EFCAB11: variants seen among roughly 807,000 people sequenced by gnomAD.
EFCAB11 encodes EF-hand calcium-binding domain-containing protein 11.
EFCAB11 carries 14 observed loss-of-function variants against 23.0 expected under a neutral mutation model. The ratio of observed to expected loss-of-function variants is 0.61; its 90% CI spans 0.40 to 0.95. The LOEUF (loss-of-function observed/expected upper bound fraction) is 0.95, where lower values mean the gene tolerates loss of function less well. Ranked by LOEUF, EFCAB11 falls within the 40% of genes least tolerant of loss-of-function variation. EFCAB11 has a pLI of 0.00. For missense variants in EFCAB11, 198 were observed against 195.8 expected (o/e 1.01, Z -0.07); for synonymous variants, 65 against 66.6 (o/e 0.98, Z 0.11).
intron 5 of EFCAB11, among the ~76,000 whole-genome samples, chr14:89,820,225 T>G (rs1312562613): frequency 2.6e-5 from 4 of 152,186 alleles, no homozygotes. Flanking sequence ...GTCGATTTTT[T>G]TTCTTTATTC....
Position 89,892,401 on chromosome 14 carries a change from G to A in EFCAB11, c.410+39140C>T, listed in dbSNP as rs1485305175. On this transcript the variant is annotated intron_variant, in intron 5 of 5. Transcript: ENST00000316738. ...CTCATCCACAAGACCCAAATCCCCA[G>A]GTCCCCCAGCAGGAAGCAGCACCCA... 87 of 1,593,222 alleles carry A rather than the reference G, an allele frequency of 5.5e-5. 1 individual carries two copies. In the Admixed American group the frequency reaches 1.5e-3, roughly 27 times the overall value.
chr14:89,876,931 C>T (rs547338302), intron 5 of EFCAB11, among the ~76,000 whole-genome samples: 2 of 152,206 alleles, frequency 1.3e-5, no homozygotes, highest in South Asian at 2.1e-4. Flanking sequence ...AATGAGCCCA[C>T]GGACTATCCA....
chr14:89,935,691 A>G (rs1451721461), intron 3 of EFCAB11, among the ~76,000 whole-genome samples: 2 of 152,228 alleles, frequency 1.3e-5, no homozygotes, highest in East Asian at 3.8e-4. Flanking sequence ...CATGGCCAAC[A>G]TGGCAAAATC....
At chr14:89,924,637 C>T in intron 5 of EFCAB11, 1 of 1,535,680 alleles carries the variant, frequency 6.5e-7, no homozygotes, top group Non-Finnish European at 8.7e-7. Context: ...AAGTCAGCTT[C>T]CTGATGACAG....
chr14:89,801,104 T>C (rs955691560), intron 5 of EFCAB11, among the ~76,000 whole-genome samples: 2 of 149,130 alleles, frequency 1.3e-5, no homozygotes, highest in Admixed American at 1.3e-4. Flanking sequence ...TTTAGGGCCA[T>C]CTGGGAGGAA....
At chr14:89,913,964 C>T (rs10143622) in intron 5 of EFCAB11, among the ~76,000 whole-genome samples, 19,296 of 152,036 alleles carry the variant, frequency 0.13, 3,386 homozygotes, top group African/African-American at 0.4. Flanking sequence ...CTTTGTATGC[C>T]GGAGACCCAG....
At chr14:89,892,010 G>A (rs1012864362) in intron 5 of EFCAB11, 43 of 1,520,170 alleles carry the variant, frequency 2.8e-5, no homozygotes, top group East Asian at 1.7e-4. Context: ...CGCGGGCCAC[G>A]AGCGCTTCAG....
intron 3 of EFCAB11, among the ~76,000 whole-genome samples, chr14:89,942,799 C>T (rs1218730425): frequency 6.6e-6 from 1 of 152,208 alleles, no homozygotes; most frequent in Non-Finnish European, 1.5e-5. Flanking sequence ...CCAGCATGTA[C>T]ACTTCTTCCA....
chr14:89,952,775 A>G (rs936078352), intron 2 of EFCAB11, among the ~76,000 whole-genome samples: 17 of 152,206 alleles, frequency 1.1e-4, no homozygotes, highest in Non-Finnish European at 2.4e-4. Flanking sequence ...TGAGGAGAAC[A>G]GCTGGGCCCT....
At chr14:89,945,690 G>A (rs1486279695) in intron 3 of EFCAB11, among the ~76,000 whole-genome samples, 1 of 152,078 alleles carries the variant, frequency 6.6e-6, no homozygotes, top group East Asian at 1.9e-4. Flanking sequence ...AAAAGAATGT[G>A]TATTCTGCTT....
At chr14:89,886,930 G>T (rs1169294145) in intron 5 of EFCAB11, among the ~76,000 whole-genome samples, 1 of 152,082 alleles carries the variant, frequency 6.6e-6, no homozygotes, top group Non-Finnish European at 1.5e-5. Context: ...TAAACCTAAG[G>T]TCAGTCTGGA....
At chr14:89,938,822 C>T (rs1890682323) in intron 3 of EFCAB11, among the ~76,000 whole-genome samples, 1 of 151,930 alleles carries the variant, frequency 6.6e-6, no homozygotes. Flanking sequence ...ACTCAGGAGG[C>T]TGAGGCAGAA....
intron 5 of EFCAB11, among the ~76,000 whole-genome samples, chr14:89,862,388 T>A (rs1887953358): frequency 6.6e-6 from 1 of 152,230 alleles, no homozygotes; most frequent in African/African-American, 2.4e-5. Context: ...TGTAACACTT[T>A]TGATATATTT....
intron 5 of EFCAB11, among the ~76,000 whole-genome samples, chr14:89,827,061 G>C (rs889074604): frequency 1.3e-5 from 2 of 152,148 alleles, no homozygotes; most frequent in Non-Finnish European, 2.9e-5. Context: ...TTTTAAAAGA[G>C]AGAATTTAAT....
intron 5 of EFCAB11, among the ~76,000 whole-genome samples, chr14:89,912,030 A>G (rs991409296): frequency 5.9e-5 from 9 of 152,240 alleles, no homozygotes; most frequent in African/African-American, 2.2e-4. Context: ...TAAGCAATGC[A>G]GCAGGGATTT....
chr14:89,909,507 G>T (rs541716752), intron 5 of EFCAB11, among the ~76,000 whole-genome samples: 5 of 152,200 alleles, frequency 3.3e-5, no homozygotes, highest in Admixed American at 6.5e-5. Context: ...TTGAAGCCGG[G>T]GGGGCGGACG....
chr14:89,909,544 G>T (rs1889602498), intron 5 of EFCAB11, among the ~76,000 whole-genome samples: 1 of 152,186 alleles, frequency 6.6e-6, no homozygotes, highest in Non-Finnish European at 1.5e-5. Context: ...TCGCGCCATT[G>T]CACTTCAGCC....
chr14:89,898,626 A>AAG (rs1204806404), intron 5 of EFCAB11, among the ~76,000 whole-genome samples: 8 of 150,182 alleles, frequency 5.3e-5, no homozygotes, highest in African/African-American at 2.0e-4. Context: ...TGGCCTCCCA[A>AAG]AGTGCTGGGA....
intron 5 of EFCAB11, among the ~76,000 whole-genome samples, chr14:89,849,982 G>C (rs1023739184): frequency 6.6e-6 from 1 of 152,058 alleles, no homozygotes; most frequent in East Asian, 1.9e-4. Flanking sequence ...GGTTAGGAAA[G>C]CAATCCAATC....
Sources: allele counts gnomAD v4.1 joint callset (sites outside exome capture counted in the v4.1 genomes callset), GRCh38; gene constraint gnomAD v4.1.1; transcripts MANE v1.5; gene names NCBI Gene and HGNC (gene_info 2026-07-23, HGNC 2026-07-21).